The following RIMS2 variants were observed in gnomAD, a reference collection of about 807,000 sequenced individuals.
RIMS2 encodes the protein regulating synaptic membrane exocytosis 2, also known as regulating synaptic membrane exocytosis protein 2.
A neutral mutation model predicts 174.4 loss-of-function variants in RIMS2; 59 were observed. The ratio of observed to expected loss-of-function variants is 0.34; its 90% CI spans 0.27 to 0.42. The LOEUF (loss-of-function observed/expected upper bound fraction) is 0.42. RIMS2 is among the 10% of genes least tolerant of loss of function. The pLI, the probability that RIMS2 is intolerant of heterozygous loss-of-function variation, is 1.00. For missense variants in RIMS2, 1,620 were observed against 1,666.3 expected (o/e 0.97, Z 0.48); for synonymous variants, 606 against 572.5 (o/e 1.06, Z -0.84).
intron 1 of RIMS2, among the ~76,000 whole-genome samples, chr8:103,533,676 A>AC (rs1554605710): frequency 1.8e-4 from 21 of 116,648 alleles, no homozygotes; most frequent in South Asian, 2.6e-4. Context: ...AAAAAAAAAA[A>AC]AAAAAAGAAA....
intron 2 of RIMS2, among the ~76,000 whole-genome samples, chr8:103,717,167 A>G (rs1590997948): frequency 9.4e-6 from 1 of 106,456 alleles, no homozygotes; most frequent in African/African-American, 3.5e-5. Context: ...TTCTTTTACC[A>G]GTTGGAGCCT....
chr8:103,802,844 TAG>T (rs2154456717), intron 3 of RIMS2, among the ~76,000 whole-genome samples: 1 of 152,296 alleles, frequency 6.6e-6, no homozygotes, highest in African/African-American at 2.4e-5. Context: ...ATACAAGGTC[TAG>T]TCACCTCGAG....
intron 1 of RIMS2, among the ~76,000 whole-genome samples, chr8:103,679,758 A>T (rs2096857071): frequency 1.3e-5 from 2 of 151,942 alleles, no homozygotes; most frequent in Admixed American, 1.3e-4. Context: ...AAGTAGAAAA[A>T]TATTTCTAAA....
At chr8:104,032,588 A>G (rs1432802174) in intron 19 of RIMS2, among the ~76,000 whole-genome samples, 1 of 152,084 alleles carries the variant, frequency 6.6e-6, no homozygotes, top group East Asian at 1.9e-4. Flanking sequence ...TGCAGAGATA[A>G]TTGATTAACT....
At chr8:103,954,622 T>C (rs574025158) in intron 14 of RIMS2, among the ~76,000 whole-genome samples, 353 of 152,282 alleles carry the variant, frequency 2.3e-3, no homozygotes, top group African/African-American at 8.3e-3. Flanking sequence ...GGGAAATTTA[T>C]AGCACTAAAT....
intron 1 of RIMS2, among the ~76,000 whole-genome samples, chr8:103,670,927 C>T (rs1564229559): frequency 1.3e-5 from 2 of 152,184 alleles, no homozygotes; most frequent in Non-Finnish European, 1.5e-5. Flanking sequence ...TAGCACCCCA[C>T]TCTAATGGTA....
intron 14 of RIMS2, among the ~76,000 whole-genome samples, chr8:103,955,534 T>A (rs2086868006): frequency 6.6e-6 from 1 of 152,116 alleles, no homozygotes; most frequent in Admixed American, 6.6e-5. Flanking sequence ...GAAAAGGCCT[T>A]AAACAAAATT....
At chr8:103,787,782 G>C (rs1055406828) in intron 3 of RIMS2, among the ~76,000 whole-genome samples, 1 of 151,998 alleles carries the variant, frequency 6.6e-6, no homozygotes, top group Non-Finnish European at 1.5e-5. Context: ...TATCTTTGTG[G>C]CGTTCTCTGT....
intron 1 of RIMS2, among the ~76,000 whole-genome samples, chr8:103,555,819 A>G (rs1286541995): frequency 5.3e-5 from 8 of 152,002 alleles, no homozygotes; most frequent in Admixed American, 4.6e-4. Flanking sequence ...AAAAAAGAAA[A>G]AAAGTGCTAT....
intron 2 of RIMS2, among the ~76,000 whole-genome samples, chr8:103,723,080 C>T (rs190623630): frequency 7.2e-5 from 11 of 152,146 alleles, no homozygotes; most frequent in South Asian, 2.1e-4. Context: ...CCACTGCACT[C>T]GAGCCTGGGC....
At chr8:103,894,147 A>G (rs901933574) in intron 4 of RIMS2, among the ~76,000 whole-genome samples, 2 of 151,604 alleles carry the variant, frequency 1.3e-5, no homozygotes, top group Non-Finnish European at 2.9e-5. Context: ...TTGTGAGACA[A>G]AAAAATAACT....
At chr8:104,152,051 T>C (rs1466010939) in intron 19 of RIMS2, among the ~76,000 whole-genome samples, 1 of 152,222 alleles carries the variant, frequency 6.6e-6, no homozygotes, top group Admixed American at 6.5e-5. Context: ...TATATCTTTC[T>C]TTGATTGTAT....
At chr8:104,157,770 T>C (rs2098733625) in intron 19 of RIMS2, among the ~76,000 whole-genome samples, 1 of 152,222 alleles carries the variant, frequency 6.6e-6, no homozygotes, top group Admixed American at 6.5e-5. Flanking sequence ...TGAATAATGC[T>C]ACTATGTATA....
chr8:104,185,314 C>T (rs2098962278), intron 19 of RIMS2, among the ~76,000 whole-genome samples: 1 of 151,386 alleles, frequency 6.6e-6, no homozygotes, highest in African/African-American at 2.4e-5. Context: ...TTTAACTGTC[C>T]TAGATCTCTG....
chr8:104,126,538 T>G (rs970083333), intron 19 of RIMS2, among the ~76,000 whole-genome samples: 2 of 152,186 alleles, frequency 1.3e-5, no homozygotes, highest in African/African-American at 4.8e-5. Context: ...TGGCTTTACA[T>G]TAGAACCACA....
chr8:103,793,170 G>T (rs1427729856), intron 3 of RIMS2, among the ~76,000 whole-genome samples: 1 of 152,176 alleles, frequency 6.6e-6, no homozygotes, highest in Non-Finnish European at 1.5e-5. Context: ...GAACATCGAT[G>T]CAAAAATTCT....
chr8:103,903,878 A>G (rs2073790980), intron 4 of RIMS2, among the ~76,000 whole-genome samples: 2 of 152,154 alleles, frequency 1.3e-5, no homozygotes, highest in Admixed American at 6.5e-5. Flanking sequence ...GAAGTTGGAA[A>G]GATAGTTCAG....
At chr8:103,920,378 T>C (rs897146253) in intron 9 of RIMS2, among the ~76,000 whole-genome samples, 2 of 152,146 alleles carry the variant, frequency 1.3e-5, no homozygotes, top group East Asian at 1.9e-4. Flanking sequence ...TAACAACCTT[T>C]ATTGTAAAAA....
intron 17 of RIMS2, among the ~76,000 whole-genome samples, chr8:103,993,535 C>T (rs895047236): frequency 3.3e-5 from 5 of 151,948 alleles, no homozygotes; most frequent in African/African-American, 4.8e-5. Context: ...TTTTTCCTTT[C>T]AGTTATCAAC....
Sources: allele counts gnomAD v4.1 joint callset (sites outside exome capture counted in the v4.1 genomes callset), GRCh38; gene constraint gnomAD v4.1.1; transcripts MANE v1.5; gene names NCBI Gene and HGNC (gene_info 2026-07-23, HGNC 2026-07-21).